Variants in SORCS2 observed in about 807,000 individuals in gnomAD.
SORCS2 encodes sortilin related VPS10 domain containing receptor 2.
SORCS2 carries 100 observed loss-of-function variants against 141.6 expected under a neutral mutation model. That is an observed-to-expected ratio of 0.71 (90% CI 0.60 to 0.83). The LOEUF is 0.83. Ranked by LOEUF, SORCS2 falls within the 40% of genes least tolerant of loss-of-function variation. The pLI is 0.00. For synonymous variants in SORCS2, 789 were observed against 676.9 expected, an observed-to-expected ratio of 1.17 and a Z score of -2.57; for missense variants, 1,646 against 1,560.2, an observed-to-expected ratio of 1.05 and a Z score of -0.93.
chr4:7,511,817 G>A (rs1732672271), intron 2 of SORCS2, among the ~76,000 whole-genome samples: 1 of 152,168 alleles, frequency 6.6e-6, no homozygotes, highest in Non-Finnish European at 1.5e-5. Context: ...AGAAAATTCA[G>A]GCAAGCTTTG....
At chr4:7,462,829 G>A (rs527500494) in intron 2 of SORCS2, among the ~76,000 whole-genome samples, 13 of 150,090 alleles carry the variant, frequency 8.7e-5, no homozygotes, top group Non-Finnish European at 1.8e-4. Flanking sequence ...CTGCTGTCAC[G>A]GTGCACTCGC....
Position 7,490,769 on chromosome 4 carries a change from C to T in SORCS2, c.549-40761C>T, listed in dbSNP as rs149053256. 3.5e-3 allele frequency among the ~76,000 whole-genome samples: 534 copies of T among 152,228 alleles called. 4 individuals carry two copies. Among genetic ancestry groups the T allele is most frequent in the African/African-American group, 0.012 (495 of 41,536 alleles). ...GGCTATGCCTGTGAGGCCCTCTCTCCGGCTGGCTGGCATCTCCGTGCCCCA... is the reference window on the plus strand; with the variant it reads ...GGCTATGCCTGTGAGGCCCTCTCTCTGGCTGGCTGGCATCTCCGTGCCCCA... On this transcript the variant is annotated intron_variant, in intron 2 of 26. Transcript: ENST00000507866.
At chr4:7,297,279 G>A (rs1300820934) in intron 1 of SORCS2, among the ~76,000 whole-genome samples, 4 of 152,194 alleles carry the variant, frequency 2.6e-5, no homozygotes, top group Non-Finnish European at 4.4e-5. Context: ...GGGAGGAATC[G>A]GTGAATGAGC....
intron 2 of SORCS2, among the ~76,000 whole-genome samples, chr4:7,452,858 C>T (rs1345265220): frequency 1.4e-5 from 2 of 147,220 alleles, no homozygotes; most frequent in Non-Finnish European, 3.0e-5. Flanking sequence ...GGGTCAGGTG[C>T]TGTGTTGGGG....
intron 3 of SORCS2, among the ~76,000 whole-genome samples, chr4:7,598,711 C>T (rs1717449333): frequency 6.6e-6 from 1 of 152,230 alleles, no homozygotes; most frequent in Non-Finnish European, 1.5e-5. Context: ...ATGAAAACCT[C>T]ACGCAATGGC....
chr4:7,684,398 C>A (rs1723746830), intron 10 of SORCS2, among the ~76,000 whole-genome samples: 1 of 152,198 alleles, frequency 6.6e-6, no homozygotes, highest in African/African-American at 2.4e-5. Context: ...CAAGCTCTCC[C>A]TCTTTCTACG....
intron 1 of SORCS2, among the ~76,000 whole-genome samples, chr4:7,316,765 A>G (rs1276066241): frequency 1.3e-5 from 2 of 152,162 alleles, no homozygotes; most frequent in African/African-American, 4.8e-5. Context: ...AGCCATTCTG[A>G]ATGTGTTACC....
intron 3 of SORCS2, among the ~76,000 whole-genome samples, chr4:7,546,679 A>G (rs1713289359): frequency 6.6e-6 from 1 of 152,200 alleles, no homozygotes; most frequent in Admixed American, 6.5e-5. Flanking sequence ...CCTCATGGGG[A>G]CGCTGCCGTG....
intron 2 of SORCS2, among the ~76,000 whole-genome samples, chr4:7,525,100 A>G (rs1377007263): frequency 6.6e-6 from 1 of 152,204 alleles, no homozygotes; most frequent in East Asian, 1.9e-4. Context: ...AATCTTCATC[A>G]TTAGATATCA....
intron 3 of SORCS2, among the ~76,000 whole-genome samples, chr4:7,574,079 C>T (rs185684393): frequency 7.3e-4 from 111 of 152,392 alleles, no homozygotes; most frequent in Middle Eastern, 6.8e-3. Context: ...TTGCTTTATT[C>T]TCTTCACAGC....
chr4:7,706,199 G>A (rs112004437), intron 14 of SORCS2, among the ~76,000 whole-genome samples: 58 of 122,112 alleles, frequency 4.7e-4, no homozygotes, highest in Admixed American at 8.3e-4. Flanking sequence ...GTCTGGGCAG[G>A]GATGAGGCTG....
intron 1 of SORCS2, among the ~76,000 whole-genome samples, chr4:7,336,975 G>A (rs1396375414): frequency 1.3e-5 from 2 of 152,172 alleles, no homozygotes; most frequent in Non-Finnish European, 2.9e-5. Flanking sequence ...CTTTCAGCGC[G>A]GTGGTGAGGA....
intron 2 of SORCS2, among the ~76,000 whole-genome samples, chr4:7,511,386 C>CAAAA (rs1413129267): frequency 4.7e-5 from 4 of 84,796 alleles, no homozygotes; most frequent in South Asian, 9.1e-4. Flanking sequence ...ACACAAAAAG[C>CAAAA]CAGAGATCCC....
intron 2 of SORCS2, among the ~76,000 whole-genome samples, chr4:7,457,374 G>C (rs1449107045): frequency 6.6e-6 from 1 of 152,256 alleles, no homozygotes; most frequent in African/African-American, 2.4e-5. Context: ...GCCCCGAGTG[G>C]CTTTTGGCCA....
chr4:7,613,179 G>A (rs1023221988), intron 3 of SORCS2, among the ~76,000 whole-genome samples: 1 of 152,238 alleles, frequency 6.6e-6, no homozygotes, highest in Non-Finnish European at 1.5e-5. Flanking sequence ...AACAAGCATC[G>A]GGGCATCCCA....
intron 1 of SORCS2, among the ~76,000 whole-genome samples, chr4:7,216,010 C>G (rs1392849010): frequency 6.6e-6 from 1 of 152,034 alleles, no homozygotes; most frequent in Non-Finnish European, 1.5e-5. Context: ...TGTTCTTTCG[C>G]TCTTTGCAAT....
At chr4:7,574,550 GAGAC>G (rs1285209699) in intron 3 of SORCS2, among the ~76,000 whole-genome samples, 2 of 151,980 alleles carry the variant, frequency 1.3e-5, no homozygotes, top group African/African-American at 4.8e-5. Flanking sequence ...TTAAAGGAGA[GAGAC>G]AGGGGGAAGG....
intron 8 of SORCS2, among the ~76,000 whole-genome samples, chr4:7,671,751 T>A (rs1560471390): frequency 6.6e-6 from 1 of 151,662 alleles, no homozygotes; most frequent in Non-Finnish European, 1.5e-5. Flanking sequence ...ATTGTGGGAG[T>A]CCCAGAAGGA....
chr4:7,658,033 C>CT (rs1379924929), intron 5 of SORCS2, among the ~76,000 whole-genome samples: 1 of 149,636 alleles, frequency 6.7e-6, no homozygotes, highest in African/African-American at 2.5e-5. Flanking sequence ...GAGTCTGTGA[C>CT]TGAGTGAGTG....
Sources: gnomAD v4.1 joint callset for allele counts (sites outside exome capture counted in the v4.1 genomes callset) on GRCh38, gnomAD v4.1.1 for gene constraint, MANE v1.5 for transcripts, NCBI Gene and HGNC (gene_info 2026-07-23, HGNC 2026-07-21) for gene names.